ATP13A3: variants seen among roughly 807,000 people sequenced by gnomAD.
ATP13A3 encodes the protein ATPase 13A3.
A neutral mutation model predicts 158.1 loss-of-function variants in ATP13A3; 59 were observed. The ratio of observed to expected loss-of-function variants is 0.37; its 90% CI spans 0.30 to 0.46. The LOEUF (loss-of-function observed/expected upper bound fraction) is 0.46, where lower values mean the gene tolerates loss of function less well. Among genes scored for constraint, ATP13A3 ranks in the 20% least tolerant of loss-of-function variants. ATP13A3 has a pLI of 1.00. For synonymous variants in ATP13A3, 491 were observed against 504.3 expected, an observed-to-expected ratio of 0.97 and a Z score of 0.35; for missense variants, 1,166 against 1,525.2, an observed-to-expected ratio of 0.76 and a Z score of 3.92.
In ATP13A3 at chr3:194,438,978, A is replaced by G. The variant is rs763663363; in HGVS notation, c.1711-6T>C. On this transcript the variant is annotated splice_polypyrimidine_tract_variant and splice_region_variant and intron_variant, in intron 16 of 33. Transcript: ENST00000645319. ...TCAGTTGCTTCTTCCAGAATCTGGA[A>G]AAAAAAAAGAGACAAAAAAAAACAA... The G allele has an allele frequency of 2.0e-6, 3 of 1,536,704 alleles. No individual in the cohort carries two copies. Among genetic ancestry groups the G allele is most frequent in the African/African-American group, 2.8e-5 (2 of 70,960 alleles).
In ATP13A3 at chr3:194,425,592, A is replaced by G. The variant is rs78598495; in HGVS notation, c.3126-63T>C. The G allele has an allele frequency of 1.3e-3, 1,761 of 1,352,232 alleles. 18 individuals carry two copies. In the African/African-American group the frequency reaches 0.023, roughly 17 times the overall value. 83.8% of individuals were successfully genotyped at this position (1,352,232 alleles called of 1,614,324 possible). A position where few individuals can be genotyped will look rare whatever the true frequency, so the allele number is the denominator to read the frequency against. The stretch of plus-strand genomic sequence containing the variant: ...TAATACTCATTTCCCAAAAGAAACC[A>G]ATCTTACCTTAATTGCCCTGAATCA... On this transcript the variant is annotated intron_variant, in intron 29 of 33. Transcript: ENST00000645319.
intron 27 of ATP13A3, 82 bp downstream of exon 27, chr3:194,429,596 T>G: frequency 9.4e-7 from 1 of 1,059,256 alleles, no homozygotes; most frequent in Non-Finnish European, 1.4e-6. Flanking sequence ...AATGGATGCA[T>G]TCAAAATCAA....
chr3:194,430,791 GGCA>G, intron 24 of ATP13A3, 149 bp downstream of exon 24: 1 of 527,944 alleles, frequency 1.9e-6, no homozygotes. Context: ...CTTTTAAAGC[GGCA>G]CTTAAAGTTC....
chr3:194,415,661 CTTTTT>C lies in ATP13A3; in HGVS notation c.3403-1827_3403-1823del, dbSNP rs751005733. Among the ~76,000 whole-genome samples the C allele has an allele frequency of 1.3e-3, 120 of 90,922 alleles. No homozygotes were observed. The South Asian group carries it at 0.026, about 20-fold the overall frequency. The allele number at this position is 90,922 out of a possible 152,430, so 59.6% of individuals were successfully genotyped here. A position where few individuals can be genotyped will look rare whatever the true frequency, so the allele number is the denominator to read the frequency against. On this transcript the variant is annotated intron_variant, in intron 31 of 33. Transcript: ENST00000645319. ...GTGCAAGGATTTACAATACCACATT[CTTTTT>C]TTTTTTTTTTTTTTTTTTTTTGAGA... is the stretch of plus-strand genomic sequence containing the variant.
At chr3:194,432,011 TGTATGGTTCTTCCACTTACAGTTTAAA>T in intron 21 of ATP13A3, 119 bp from the exon 22 acceptor site, 3 of 781,510 alleles carry the variant, frequency 3.8e-6, no homozygotes, top group South Asian at 3.5e-5. Flanking sequence ...GTAACGATAA[TGTATGGTTCTTCCACTTACAGTTTAAA>T]AATAACAAAA....
chr3:194,493,051 C>A lies in ATP13A3; in HGVS notation n.746+999G>T, dbSNP rs114894803. ...GAGGTGGGAGGATTTCTAGGATTGC[C>A]TAAGCGCAGGAGTTTGAGTTTATGG... is the stretch of plus-strand genomic sequence containing the variant. On this transcript the variant is annotated intron_variant and non_coding_transcript_variant, in intron 2 of 32. Transcript: ENST00000687055. Among the ~76,000 whole-genome samples the A allele has an allele frequency of 1.6e-3, 237 of 151,350 alleles. 1 individual carries two copies. Among genetic ancestry groups the A allele is most frequent in the African/African-American group, 5.5e-3 (225 of 41,258 alleles).
At chr3:194,464,679 T>C (rs2108992360) in intron 2 of ATP13A3, among the ~76,000 whole-genome samples, 1 of 152,298 alleles carries the variant, frequency 6.6e-6, no homozygotes, top group South Asian at 2.1e-4. Flanking sequence ...AGAATACTAG[T>C]CTGAGGTTCT....
chr3:194,459,994 G>T (rs772371224), intron 4 of ATP13A3, 23 bp from the exon 5 acceptor site: 5 of 1,559,560 alleles, frequency 3.2e-6, no homozygotes, highest in South Asian at 1.2e-5. Context: ...AAGGGATAAC[G>T]GTAAGGAGTC....
intron 31 of ATP13A3, among the ~76,000 whole-genome samples, chr3:194,418,808 G>C (rs1011411085): frequency 1.3e-5 from 2 of 152,188 alleles, no homozygotes; most frequent in Admixed American, 6.5e-5. Context: ...GTTTGCCAAG[G>C]GTAGTAGTGG....
At chr3:194,464,252 TA>T (rs1719857253) in intron 2 of ATP13A3, among the ~76,000 whole-genome samples, 1 of 152,178 alleles carries the variant, frequency 6.6e-6, no homozygotes, top group South Asian at 2.1e-4. Context: ...TGTGAATACA[TA>T]AACATTGGTG....
intron 2 of ATP13A3, among the ~76,000 whole-genome samples, chr3:194,471,524 G>T (rs1003688236): frequency 7.2e-5 from 11 of 151,888 alleles, no homozygotes; most frequent in African/African-American, 2.7e-4. Context: ...CAGCAAATTT[G>T]TTGTGCTTTT....
intron 14 of ATP13A3, 38 bp downstream of exon 14, chr3:194,446,889 G>T (rs763930274): frequency 1.2e-5 from 18 of 1,507,070 alleles, no homozygotes. Flanking sequence ...TAAACGCTAC[G>T]AAGTAACCTT....
rs1018680891 is a variant in ATP13A3, at chr3:194,404,392, T to C, written c.*1527A>G. On this transcript the variant is annotated 3_prime_UTR_variant, in exon 34 of 34. Transcript: ENST00000645319. ...TTGCAGCATAAAGAGTGAGAACCAT[T>C]TGGTCCTAAAATTCTAGGTAAAATT... 2.6e-5 allele frequency: 5 copies of C among 192,866 alleles called. No homozygotes were observed. The highest frequency in any genetic ancestry group is 2.1e-3 in the Middle Eastern group (1 of 476). 11.9% of individuals were successfully genotyped at this position (192,866 alleles called of 1,614,324 possible). A position where few individuals can be genotyped will look rare whatever the true frequency, so the allele number is the denominator to read the frequency against.
At chr3:194,432,749 A>T (rs1199339309) in intron 21 of ATP13A3, among the ~76,000 whole-genome samples, 1 of 152,164 alleles carries the variant, frequency 6.6e-6, no homozygotes, top group Admixed American at 6.5e-5. Context: ...ATGTATACAG[A>T]CTTTCTCCAT....
At chr3:194,434,496 G>C (rs186863445) in intron 20 of ATP13A3, among the ~76,000 whole-genome samples, 84 of 152,310 alleles carry the variant, frequency 5.5e-4, no homozygotes, top group African/African-American at 1.9e-3. Flanking sequence ...AGACAAAAAG[G>C]GATGATCTCT....
intron 31 of ATP13A3, among the ~76,000 whole-genome samples, chr3:194,414,425 T>C (rs1005438996): frequency 3.2e-4 from 48 of 149,298 alleles, no homozygotes; most frequent in Non-Finnish European, 5.5e-4. Context: ...ATCCTGCCAC[T>C]GTACTCCAGC....
chr3:194,429,921 A>G (rs1357168342), intron 26 of ATP13A3, 147 bp from the exon 27 acceptor site: 1 of 949,274 alleles, frequency 1.1e-6, no homozygotes, highest in Non-Finnish European at 1.6e-6. Context: ...CCAAATGAGG[A>G]GTAGCAATCA....
intron 33 of ATP13A3, 125 bp from the exon 34 acceptor site, chr3:194,406,241 GA>G (rs1225876433): frequency 4.0e-6 from 4 of 998,478 alleles, no homozygotes; most frequent in Non-Finnish European, 4.3e-6. Context: ...TGAGCACAAC[GA>G]ATGGGGGAAA....
At chr3:194,461,952 G>C (rs926095769) in intron 3 of ATP13A3, among the ~76,000 whole-genome samples, 188 bp downstream of exon 3, 1 of 152,094 alleles carries the variant, frequency 6.6e-6, no homozygotes, top group Admixed American at 6.5e-5. Context: ...GGTAAAAAAA[G>C]AATTATACTA....
Sources: gnomAD v4.1 joint callset for allele counts (sites outside exome capture counted in the v4.1 genomes callset) on GRCh38, gnomAD v4.1.1 for gene constraint, MANE v1.5 for transcripts, NCBI Gene and HGNC (gene_info 2026-07-23, HGNC 2026-07-21) for gene names.